GABRB3: variants seen among roughly 807,000 people sequenced by gnomAD.
GABRB3 encodes the protein gamma-aminobutyric acid type A receptor subunit beta3.
Under a neutral mutation model 52.1 loss-of-function variants are expected in GABRB3, and 14 were observed. The observed-to-expected ratio is 0.27, with a 90% confidence interval of 0.18 to 0.42. The LOEUF is 0.42. Ranked by LOEUF, GABRB3 falls within the 10% of genes least tolerant of loss-of-function variation. The probability of loss-of-function intolerance (pLI) is 1.00; values close to 1 mark genes in which losing one functional copy is unlikely to be tolerated. For synonymous variants in GABRB3, 260 were observed against 232.3 expected (o/e 1.12, Z -1.08); for missense variants, 307 against 609.1 (o/e 0.50, Z 5.22).
At chr15:26,591,624 T>C (rs986943977) in intron 4 of GABRB3, among the ~76,000 whole-genome samples, 37 of 152,156 alleles carry the variant, frequency 2.4e-4, no homozygotes, top group Non-Finnish European at 5.9e-5. Context: ...GAGGGTGGAA[T>C]GAGAAGTTCT....
intron 3 of GABRB3, among the ~76,000 whole-genome samples, chr15:26,711,198 C>T (rs574396145): frequency 1.7e-4 from 26 of 152,300 alleles, no homozygotes; most frequent in African/African-American, 6.3e-4. Context: ...AAATATATCA[C>T]TGTGTTTACT....
Position 26,673,437 on chromosome 15 carries a change from G to A in GABRB3, c.241-51903C>T, listed in dbSNP as rs185577876. 7.1e-4 allele frequency among the ~76,000 whole-genome samples: 108 copies of A among 152,162 alleles called. 1 individual carries two copies. The highest frequency in any genetic ancestry group is 1.2e-3 in the Non-Finnish European group (79 of 68,004). On this transcript the variant is annotated intron_variant, in intron 3 of 8. Coordinates refer to ENST00000311550, the MANE Select transcript of GABRB3 (RefSeq NM_000814.6). ...ACTGCATTTATCTCTATTACTTACC[G>A]GACAATGTCAGCAGCTGTACCTGTT...
chr15:26,693,628 AC>A, intron 3 of GABRB3, among the ~76,000 whole-genome samples: 1 of 152,204 alleles, frequency 6.6e-6, no homozygotes, highest in East Asian at 1.9e-4. Flanking sequence ...AACAAACAAA[AC>A]AAAACAACTC....
intron 4 of GABRB3, among the ~76,000 whole-genome samples, chr15:26,594,590 G>A (rs1234910770): frequency 6.6e-6 from 1 of 152,102 alleles, no homozygotes; most frequent in South Asian, 2.1e-4. Flanking sequence ...CAAACACCTG[G>A]GCTCAAGTGA....
At chr15:26,735,946 C>A (rs375093621) in intron 3 of GABRB3, among the ~76,000 whole-genome samples, 372 of 149,188 alleles carry the variant, frequency 2.5e-3, no homozygotes, top group Non-Finnish European at 3.9e-3. Context: ...CAGAGAGAGA[C>A]CTTGTCTTCA....
chr15:26,639,366 T>C (rs1893140261), intron 3 of GABRB3, among the ~76,000 whole-genome samples: 1 of 150,746 alleles, frequency 6.6e-6, no homozygotes, highest in South Asian at 2.1e-4. Flanking sequence ...AAGATGGTTA[T>C]GTCTGTACCA....
intron 3 of GABRB3, among the ~76,000 whole-genome samples, chr15:26,640,220 A>G (rs1893163277): frequency 1.3e-5 from 2 of 152,188 alleles, no homozygotes; most frequent in African/African-American, 4.8e-5. Context: ...ATGGTGATTT[A>G]AAGTATCAAA....
intron 3 of GABRB3, among the ~76,000 whole-genome samples, chr15:26,674,427 G>A (rs945975385): frequency 4.8e-4 from 48 of 99,810 alleles, no homozygotes; most frequent in East Asian, 2.1e-3. Context: ...AAAAAGAAAA[G>A]AAAAGAAAGG....
intron 3 of GABRB3, among the ~76,000 whole-genome samples, chr15:26,633,516 TC>T (rs1892963374): frequency 6.6e-6 from 1 of 152,168 alleles, no homozygotes; most frequent in Non-Finnish European, 1.5e-5. Flanking sequence ...GAATTGACTC[TC>T]CCTTAGCTAA....
chr15:26,570,766 CT>C, intron 6 of GABRB3, among the ~76,000 whole-genome samples: 1 of 152,260 alleles, frequency 6.6e-6, no homozygotes, highest in South Asian at 2.1e-4. Flanking sequence ...TGAATCCTTT[CT>C]TTTTCCTCCT....
At chr15:26,670,175 G>A (rs1196949598) in intron 3 of GABRB3, among the ~76,000 whole-genome samples, 8 of 152,226 alleles carry the variant, frequency 5.3e-5, no homozygotes, top group African/African-American at 1.9e-4. Flanking sequence ...CCCCAACGCG[G>A]GCTCAAGCCC....
intron 3 of GABRB3, among the ~76,000 whole-genome samples, chr15:26,709,515 C>CTTTTTTTTTTTTTTTTTTTTTTT (rs57044167): frequency 2.6e-4 from 24 of 91,996 alleles, no homozygotes; most frequent in Non-Finnish European, 4.6e-4. Flanking sequence ...TTTTTTCTTT[C>CTTTTTTTTTTTTTTTTTTTTTTT]TTTTTTTTTT....
chr15:26,751,845 C>A (rs1436236327), intron 3 of GABRB3, among the ~76,000 whole-genome samples: 1 of 151,936 alleles, frequency 6.6e-6, no homozygotes, highest in African/African-American at 2.4e-5. Flanking sequence ...TTGCACCACA[C>A]TAGTAAAGTA....
chr15:26,585,580 G>T (rs1443549935), intron 4 of GABRB3, among the ~76,000 whole-genome samples: 1 of 152,170 alleles, frequency 6.6e-6, no homozygotes, highest in African/African-American at 2.4e-5. Context: ...AGCAGTGAGG[G>T]ATAATGCCAA....
intron 4 of GABRB3, among the ~76,000 whole-genome samples, chr15:26,611,035 T>C (rs1297810031): frequency 1.3e-5 from 2 of 152,200 alleles, no homozygotes; most frequent in East Asian, 1.9e-4. Flanking sequence ...TTCTGAGTTA[T>C]TGGCAAAAAT....
intron 3 of GABRB3, among the ~76,000 whole-genome samples, chr15:26,701,958 G>C (rs886651007): frequency 3.3e-5 from 5 of 152,114 alleles, no homozygotes. Flanking sequence ...TTTGACAAAG[G>C]TAGTTAGTTC....
chr15:26,634,909 A>ATC (rs139014196), intron 3 of GABRB3, among the ~76,000 whole-genome samples: 1 of 52,782 alleles, frequency 1.9e-5, no homozygotes, highest in Non-Finnish European at 5.4e-5. Flanking sequence ...AATTATATAT[A>ATC]TCTCTCTCCA....
chr15:26,634,309 T>C (rs912304701), intron 3 of GABRB3, among the ~76,000 whole-genome samples: 16 of 152,274 alleles, frequency 1.1e-4, no homozygotes, highest in Admixed American at 1.0e-3. Flanking sequence ...ACTCACTGTC[T>C]TCGTGCCTCA....
At chr15:26,608,697 A>T (rs1460316208) in intron 4 of GABRB3, among the ~76,000 whole-genome samples, 1 of 152,186 alleles carries the variant, frequency 6.6e-6, no homozygotes, top group East Asian at 1.9e-4. Flanking sequence ...ACATATGAAA[A>T]GAAGTTCAAC....
Sources: gnomAD v4.1 joint callset for allele counts (sites outside exome capture counted in the v4.1 genomes callset) on GRCh38, gnomAD v4.1.1 for gene constraint, MANE v1.5 for transcripts, NCBI Gene and HGNC (gene_info 2026-07-23, HGNC 2026-07-21) for gene names.